Variants in MID1 observed in about 807,000 individuals in gnomAD.
MID1 encodes the protein E3 ubiquitin-protein ligase Midline-1.
Under a neutral mutation model 40.4 loss-of-function variants are expected in MID1, and 7 were observed. The ratio of observed to expected loss-of-function variants is 0.17; its 90% CI spans 0.10 to 0.33. MID1 has a LOEUF of 0.33. MID1 is among the 10% of genes least tolerant of loss of function. The probability of loss-of-function intolerance (pLI) is 1.00; values close to 1 mark genes in which losing one functional copy is unlikely to be tolerated. For missense variants in MID1, 367 were observed against 558.5 expected (o/e 0.66, Z 3.46); for synonymous variants, 229 against 221.2 (o/e 1.04, Z -0.31).
chrX:10,463,229 G>A (rs1313449935), intron 7 of MID1, among the ~76,000 whole-genome samples: 1 of 112,343 alleles, frequency 8.9e-6, no homozygotes, highest in Admixed American at 9.5e-5. Context: ...TTGAATGTAT[G>A]TATTTCATTA....
chrX:10,533,543 C>A (rs1602362943), intron 2 of MID1, among the ~76,000 whole-genome samples: 1 of 109,362 alleles, frequency 9.1e-6, no homozygotes, highest in East Asian at 2.8e-4. Context: ...TTGCTCCAAG[C>A]CATTTTAAAA....
At chrX:10,786,133 C>G (rs1302230258) in intron 1 of MID1, among the ~76,000 whole-genome samples, 1 of 111,717 alleles carries the variant, frequency 9.0e-6, no homozygotes. Flanking sequence ...AAAAAACAAA[C>G]AACCCCATCA....
At chrX:10,738,655 C>A (rs1031643667) in intron 1 of MID1, among the ~76,000 whole-genome samples, 13 of 109,546 alleles carry the variant, frequency 1.2e-4, no homozygotes, top group African/African-American at 4.3e-4. Flanking sequence ...GGGAGAAACT[C>A]TAAAAAGAGG....
chrX:10,615,024 T>C (rs760626874), intron 1 of MID1, among the ~76,000 whole-genome samples: 227 of 112,338 alleles, frequency 2.0e-3, no homozygotes, highest in African/African-American at 7.2e-3. Context: ...TTAATAATTA[T>C]GAGAAATCTG....
chrX:10,755,910 G>C (rs1307816425), intron 1 of MID1, among the ~76,000 whole-genome samples: 1 of 112,083 alleles, frequency 8.9e-6, no homozygotes, highest in Non-Finnish European at 1.9e-5. Context: ...TCTGTTTTCT[G>C]TTGCTAAATG....
chrX:10,781,320 G>C (rs1421115240), intron 1 of MID1, among the ~76,000 whole-genome samples: 1 of 111,532 alleles, frequency 9.0e-6, no homozygotes, highest in Non-Finnish European at 1.9e-5. Flanking sequence ...AACACCTAGG[G>C]AAGTGATATC....
At chrX:10,816,800 T>C (rs2044138534) in intron 1 of MID1, among the ~76,000 whole-genome samples, 2 of 112,142 alleles carry the variant, frequency 1.8e-5, no homozygotes, top group South Asian at 3.7e-4. Context: ...ACCTATAAAA[T>C]GGAACTTGAG....
intron 1 of MID1, among the ~76,000 whole-genome samples, chrX:10,822,388 C>G (rs1297215889): frequency 2.7e-5 from 3 of 111,877 alleles, no homozygotes; most frequent in Non-Finnish European, 5.6e-5. Context: ...TATAAAAACT[C>G]TAGAAGAAAA....
intron 1 of MID1, among the ~76,000 whole-genome samples, chrX:10,610,312 A>C (rs1327905600): frequency 8.9e-6 from 1 of 112,288 alleles, no homozygotes; most frequent in East Asian, 2.8e-4. Flanking sequence ...GGGGATTTTT[A>C]ATACAGATAC....
At chrX:10,586,100 T>C (rs1237068407) in intron 1 of MID1, among the ~76,000 whole-genome samples, 1 of 111,229 alleles carries the variant, frequency 9.0e-6, no homozygotes, top group African/African-American at 3.3e-5. Context: ...TTGTATAGAG[T>C]AACATTATAC....
intron 1 of MID1, among the ~76,000 whole-genome samples, chrX:10,735,704 T>C (rs951899978): frequency 3.6e-5 from 4 of 111,594 alleles, no homozygotes; most frequent in Admixed American, 1.9e-4. Flanking sequence ...TATTTATTTA[T>C]TTTGAGACAG....
chrX:10,805,363 T>C (rs1180119018), intron 1 of MID1, among the ~76,000 whole-genome samples: 2 of 106,169 alleles, frequency 1.9e-5, no homozygotes, highest in African/African-American at 6.9e-5. Context: ...GAATGATGAT[T>C]TCCAATTTCA....
intron 1 of MID1, among the ~76,000 whole-genome samples, chrX:10,657,422 A>G (rs1569139648): frequency 5.4e-5 from 6 of 111,837 alleles, no homozygotes; most frequent in Admixed American, 2.9e-4. Flanking sequence ...GTAACAATTT[A>G]AAAGGAAAAA....
intron 3 of MID1, among the ~76,000 whole-genome samples, chrX:10,515,264 G>A (rs1170582901): frequency 1.8e-5 from 2 of 112,156 alleles, no homozygotes; most frequent in African/African-American, 6.5e-5. Context: ...GTGAATTACT[G>A]GAAAAGTCTT....
intron 1 of MID1, among the ~76,000 whole-genome samples, chrX:10,826,404 C>T (rs912655713): frequency 7.1e-5 from 8 of 112,226 alleles, no homozygotes; most frequent in African/African-American, 2.3e-4. Context: ...ATCTGCTCTA[C>T]TATTTTGATG....
intron 1 of MID1, among the ~76,000 whole-genome samples, chrX:10,806,094 A>G (rs2044044685): frequency 9.4e-6 from 1 of 106,570 alleles, no homozygotes; most frequent in African/African-American, 3.4e-5. Context: ...CCATTTGTCA[A>G]TTTTGGCTTT....
At chrX:10,563,750 T>C (rs1475669377) in intron 2 of MID1, among the ~76,000 whole-genome samples, 1 of 112,150 alleles carries the variant, frequency 8.9e-6, no homozygotes, top group Admixed American at 9.4e-5. Context: ...AGCGTTAGAT[T>C]ACTGACATGA....
Position 10,613,724 on chromosome X carries a change from T to G in MID1, c.-57+6566A>C, listed in dbSNP as rs867230760. Among the ~76,000 whole-genome samples, 286 of 54,353 alleles carry G rather than the reference T, an allele frequency of 5.3e-3. 1 individual carries two copies. Among genetic ancestry groups the G allele is most frequent in the South Asian group, 0.01 (11 of 1,080 alleles). The allele number at this position is 54,353 out of a possible 115,157, so 47.2% of individuals were successfully genotyped here. On this transcript the variant is annotated intron_variant, in intron 1 of 9. Transcript: ENST00000317552. ...ATATATATATATATATATATATATA[T>G]ATATATATAGAGAGAGAGAGAGAGA...
At chrX:10,699,738 T>C (rs759866580) in intron 1 of MID1, among the ~76,000 whole-genome samples, 1 of 112,114 alleles carries the variant, frequency 8.9e-6, no homozygotes, top group Non-Finnish European at 1.9e-5. Flanking sequence ...TCTTCAAATA[T>C]GTTAAAGCAC....
Sources: allele counts gnomAD v4.1 joint callset (sites outside exome capture counted in the v4.1 genomes callset), GRCh38; gene constraint gnomAD v4.1.1; transcripts MANE v1.5; gene names NCBI Gene and HGNC (gene_info 2026-07-23, HGNC 2026-07-21).